The following MATN2 variants were observed in gnomAD, a reference collection of about 807,000 sequenced individuals.
MATN2 encodes matrilin 2, also known as matrilin-2.
Under a neutral mutation model 103.2 loss-of-function variants are expected in MATN2, and 69 were observed. The observed-to-expected ratio is 0.67, with a 90% CI of 0.55 to 0.82. The LOEUF (loss-of-function observed/expected upper bound fraction) is 0.82, where lower values mean the gene tolerates loss of function less well. Among genes scored for constraint, MATN2 ranks in the 40% least tolerant of loss-of-function variants. The probability of loss-of-function intolerance (pLI) is 0.00; values close to 1 mark genes in which losing one functional copy is unlikely to be tolerated. For missense variants in MATN2, 1,023 were observed against 1,211.5 expected (o/e 0.84, Z 2.31); for synonymous variants, 429 against 450.2 (o/e 0.95, Z 0.60).
chr8:98,007,087 G>A lies in MATN2; in HGVS notation c.1328-18G>A, dbSNP rs748662916. 1.6e-5 allele frequency: 26 copies of A among 1,596,610 alleles called. No individual in the cohort carries two copies. Among genetic ancestry groups the A allele is most frequent in the South Asian group, 1.4e-4 (12 of 88,648 alleles). On this transcript the variant is annotated intron_variant, in intron 8 of 18. Transcript: ENST00000254898. This position sits in a 1 kb window ranked among gnomAD's most constrained non-coding sequence, Gnocchi z 4.2. The stretch of plus-strand genomic sequence containing the variant: ...GCCCCCTCGGCTCCTCTATGCTTTC[G>A]CGTGTGTGAAAATGCAGGAGTGGAC...
chr8:98,007,069 C>T lies in MATN2; in HGVS notation c.1328-36C>T, dbSNP rs770630098. 16 of 1,567,124 alleles carry T rather than the reference C, an allele frequency of 1.0e-5. No individual in the cohort carries two copies. Among genetic ancestry groups the T allele is most frequent in the South Asian group, 2.3e-5 (2 of 86,014 alleles). ...GGTTGCTGGTGGGGTATTGCCCCCTCGGCTCCTCTATGCTTTCGCGTGTGT... is the reference window on the plus strand; with the variant it reads ...GGTTGCTGGTGGGGTATTGCCCCCTTGGCTCCTCTATGCTTTCGCGTGTGT... On this transcript the variant is annotated intron_variant, in intron 8 of 18. Coordinates refer to ENST00000254898, the MANE Select transcript of MATN2 (RefSeq NM_002380.5). The surrounding 1 kb of genome is among the most constrained non-coding windows in gnomAD (Gnocchi z 4.2).
chr8:98,030,764 G>C, intron 15 of MATN2, 150 bp downstream of exon 15: 1 of 688,798 alleles, frequency 1.5e-6, no homozygotes, highest in Non-Finnish European at 2.3e-6. Flanking sequence ...CTGGGTTCAA[G>C]TGATTCTCAT....
chr8:97,950,060 G>T (rs1586080785), intron 4 of MATN2, among the ~76,000 whole-genome samples: 1 of 152,122 alleles, frequency 6.6e-6, no homozygotes, highest in Non-Finnish European at 1.5e-5. Flanking sequence ...ACTTGGGGGG[G>T]TGATGACTAT....
At chr8:97,992,315 T>A (rs1431988893) in intron 6 of MATN2, among the ~76,000 whole-genome samples, 1 of 152,234 alleles carries the variant, frequency 6.6e-6, no homozygotes, top group South Asian at 2.1e-4. Flanking sequence ...TGTTTGTAAC[T>A]TTTTGTAAGC....
Position 98,007,121 on chromosome 8 carries a change from A to ACAG in MATN2, c.1348_1350dup (p.Gln450dup). The ACAG allele has an allele frequency of 6.2e-7, 1 of 1,611,280 alleles. No homozygotes were observed. The highest frequency in any genetic ancestry group is 8.5e-7 in the Non-Finnish European group (1 of 1,178,756). On this transcript the variant is annotated inframe_insertion, in exon 9 of 19. Coordinates refer to ENST00000254898, the MANE Select transcript of MATN2 (RefSeq NM_002380.5). This position sits in a 1 kb window ranked among gnomAD's most constrained non-coding sequence, Gnocchi z 4.2. ...AAAATGCAGGAGTGGACCACTGTGC[A>ACAG]CAGCAGGACCATGGCTGTGAGCAGC... is the stretch of plus-strand genomic sequence containing the variant.
At chr8:97,958,413 A>T (rs1586090997) in intron 4 of MATN2, among the ~76,000 whole-genome samples, 1 of 152,298 alleles carries the variant, frequency 6.6e-6, no homozygotes, top group East Asian at 1.9e-4. Flanking sequence ...CCACCCACTT[A>T]GGGAGCTTAG....
intron 8 of MATN2, among the ~76,000 whole-genome samples, chr8:98,006,826 AC>A (rs1453313038): frequency 6.6e-6 from 1 of 152,144 alleles, no homozygotes; most frequent in Non-Finnish European, 1.5e-5. Context: ...GGCACCTGTA[AC>A]CCCAGCTAGC....
At chr8:98,032,192 A>G in intron 15 of MATN2, 54 bp from the exon 16 acceptor site, 1 of 1,441,904 alleles carries the variant, frequency 6.9e-7, no homozygotes, top group Non-Finnish European at 9.6e-7. Context: ...CCTGAAGAAC[A>G]CACACATGCC....
chr8:98,027,513 A>G lies in MATN2; in HGVS notation c.2040A>G (p.Gly680=). ...NFEVVKQFVT[G]IIDSLTISPK... is the part of the protein sequence containing the mutation. ...AGGTCGTGAAGCAGTTTGTCACTGG[A>G]ATTATAGATTCCTTGACAATTTCCC... is the stretch of plus-strand genomic sequence containing the variant. Residue 680 remains glycine, a synonymous_variant, in exon 14 of 19, where the codon GGA becomes GGG. Coordinates refer to ENST00000254898, the MANE Select transcript of MATN2 (RefSeq NM_002380.5). 1 of 1,613,888 alleles carries G rather than the reference A, an allele frequency of 6.2e-7. No individual in the cohort carries two copies. The highest frequency in any genetic ancestry group is 2.2e-5 in the East Asian group (1 of 44,848).
At chr8:97,902,407 G>A (rs1292366770) in intron 2 of MATN2, among the ~76,000 whole-genome samples, 2 of 150,080 alleles carry the variant, frequency 1.3e-5, no homozygotes, top group African/African-American at 4.9e-5. Flanking sequence ...TGAGGCAGGA[G>A]AACTGCTTGA....
chr8:97,933,021 C>G (rs906992593), intron 3 of MATN2, among the ~76,000 whole-genome samples: 1 of 152,190 alleles, frequency 6.6e-6, no homozygotes, highest in African/African-American at 2.4e-5. Flanking sequence ...ATATAGCCCC[C>G]AGCGAAGAAC....
At chr8:97,928,728 A>G (rs565290053) in intron 2 of MATN2, among the ~76,000 whole-genome samples, 1 of 152,312 alleles carries the variant, frequency 6.6e-6, no homozygotes. Flanking sequence ...GAGCCTGTAC[A>G]TGCAGCCAGC....
At chr8:98,010,217 C>A (rs1214236360) in intron 10 of MATN2, among the ~76,000 whole-genome samples, 1 of 152,150 alleles carries the variant, frequency 6.6e-6, no homozygotes, top group African/African-American at 2.4e-5. Flanking sequence ...CAATGTCACC[C>A]CCATGGGTAA....
chr8:97,878,060 A>G (rs1172953107), intron 1 of MATN2, among the ~76,000 whole-genome samples: 1 of 152,208 alleles, frequency 6.6e-6, no homozygotes, highest in African/African-American at 2.4e-5. Flanking sequence ...ATTTGAAAAC[A>G]TTGTTTTATG....
At chr8:97,924,187 G>GC (rs889951989) in intron 2 of MATN2, among the ~76,000 whole-genome samples, 9 of 151,980 alleles carry the variant, frequency 5.9e-5, no homozygotes, top group Non-Finnish European at 1.0e-4. Context: ...TTACCAGCCT[G>GC]CCCCCCATAT....
At chr8:97,884,143 T>G (rs929324931) in intron 1 of MATN2, among the ~76,000 whole-genome samples, 1 of 151,986 alleles carries the variant, frequency 6.6e-6, no homozygotes, top group African/African-American at 2.4e-5. Context: ...TTTCTTTTTT[T>G]TTTTTTCTGA....
intron 3 of MATN2, among the ~76,000 whole-genome samples, chr8:97,933,156 A>T (rs1472157917): frequency 6.6e-6 from 1 of 152,208 alleles, no homozygotes; most frequent in African/African-American, 2.4e-5. Flanking sequence ...TGCCATGAAG[A>T]AAAAAAGAAC....
intron 2 of MATN2, among the ~76,000 whole-genome samples, chr8:97,923,313 T>C (rs961560026): frequency 7.2e-5 from 11 of 152,196 alleles, no homozygotes; most frequent in African/African-American, 2.7e-4. Flanking sequence ...TAATCATGCT[T>C]CATAGTGTTT....
chr8:97,917,987 C>T (rs926045846), intron 2 of MATN2, among the ~76,000 whole-genome samples: 6 of 151,886 alleles, frequency 4.0e-5, no homozygotes, highest in Admixed American at 6.6e-5. Context: ...CTGGAGGCTA[C>T]GTTGGGAGGA....
Sources: allele counts gnomAD v4.1 joint callset (sites outside exome capture counted in the v4.1 genomes callset), GRCh38; gene constraint gnomAD v4.1.1; non-coding constraint Gnocchi (gnomAD v3.1); transcripts MANE v1.5; gene names NCBI Gene and HGNC (gene_info 2026-07-23, HGNC 2026-07-21).